MDGA2: variants seen among roughly 807,000 people sequenced by gnomAD.
MDGA2 encodes MAM domain-containing glycosylphosphatidylinositol anchor protein 2.
Under a neutral mutation model 117.8 loss-of-function variants are expected in MDGA2, and 40 were observed. The ratio of observed to expected loss-of-function variants is 0.34; its 90% CI spans 0.26 to 0.44. The LOEUF (loss-of-function observed/expected upper bound fraction) is 0.44, where lower values mean the gene tolerates loss of function less well. MDGA2 is among the 20% of genes least tolerant of loss of function. The pLI, the probability that MDGA2 is intolerant of heterozygous loss-of-function variation, is 1.00. For missense variants in MDGA2, 1,123 were observed against 1,250.6 expected, an observed-to-expected ratio of 0.90 and a Z score of 1.54; for synonymous variants, 452 against 439.0, an observed-to-expected ratio of 1.03 and a Z score of -0.37.
At chr14:47,656,873 A>T (rs1897754415) in intron 1 of MDGA2, among the ~76,000 whole-genome samples, 1 of 152,192 alleles carries the variant, frequency 6.6e-6, no homozygotes, top group South Asian at 2.1e-4. Flanking sequence ...CTTTCTTTCA[A>T]CCTGGGTGGA....
chr14:46,892,113 A>C (rs1244538931), intron 10 of MDGA2, among the ~76,000 whole-genome samples: 1 of 151,910 alleles, frequency 6.6e-6, no homozygotes, highest in Admixed American at 6.6e-5. Context: ...ATAATATAAA[A>C]ATGTGTTCAC....
At chr14:47,337,009 T>A (rs1350758585) in intron 1 of MDGA2, among the ~76,000 whole-genome samples, 1 of 152,002 alleles carries the variant, frequency 6.6e-6, no homozygotes, top group Admixed American at 6.6e-5. Flanking sequence ...TAAATATGTA[T>A]CTGTACCTGC....
chr14:46,938,540 CAA>C lies in MDGA2; in HGVS notation c.2090-18382_2090-18381del, dbSNP rs71112472. On this transcript the variant is annotated intron_variant, in intron 9 of 16. Coordinates refer to ENST00000399232, the MANE Select transcript of MDGA2 (RefSeq NM_001113498.3). The stretch of plus-strand genomic sequence containing the variant: ...GGGCAACAAGAACGAAAATCCATCT[CAA>C]AAAAAAAAAAAAAAAAAAGAGACAT... Among the ~76,000 whole-genome samples the C allele has an allele frequency of 2.6e-3, 69 of 27,000 alleles. 5 individuals are homozygous for C. The South Asian group carries it at 0.047, about 18-fold the overall frequency. 17.7% of individuals were successfully genotyped at this position (27,000 alleles called of 152,430 possible).
At chr14:46,981,177 G>A (rs1262482173) in intron 8 of MDGA2, among the ~76,000 whole-genome samples, 1 of 151,778 alleles carries the variant, frequency 6.6e-6, no homozygotes, top group Non-Finnish European at 1.5e-5. Context: ...GCCAAGGGGG[G>A]GGCGGATCAT....
chr14:47,365,772 T>A (rs1891218759), intron 1 of MDGA2, among the ~76,000 whole-genome samples: 2 of 152,232 alleles, frequency 1.3e-5, no homozygotes, highest in African/African-American at 4.8e-5. Context: ...CATAACATAC[T>A]GCTTCATTGG....
chr14:47,131,590 G>A, intron 5 of MDGA2, 124 bp downstream of exon 5: 1 of 647,370 alleles, frequency 1.5e-6, no homozygotes, highest in Non-Finnish European at 2.4e-6. Context: ...AGGATTTTCT[G>A]GGAATAAAGG....
intron 10 of MDGA2, among the ~76,000 whole-genome samples, chr14:46,914,071 CTG>C (rs944717326): frequency 2.0e-5 from 3 of 151,930 alleles, no homozygotes; most frequent in African/African-American, 7.2e-5. Flanking sequence ...AAAAAGGAAA[CTG>C]TATAAAATTG....
At chr14:47,419,944 T>A (rs1010495173) in intron 1 of MDGA2, among the ~76,000 whole-genome samples, 1 of 151,944 alleles carries the variant, frequency 6.6e-6, no homozygotes, top group Non-Finnish European at 1.5e-5. Context: ...ATCCAAAAAT[T>A]AAAAGGTAAC....
intron 3 of MDGA2, among the ~76,000 whole-genome samples, chr14:47,159,262 G>A (rs61995373): frequency 0.18 from 27,800 of 152,066 alleles, 2,756 homozygotes; most frequent in Non-Finnish European, 0.19. Context: ...AGTTGGTAGT[G>A]GGAGGGGTTG....
At chr14:47,444,198 A>G (rs1156832551) in intron 1 of MDGA2, 1 of 215,578 alleles carries the variant, frequency 4.6e-6, no homozygotes, top group African/African-American at 2.3e-5. Context: ...CAATACAACT[A>G]AACTGACTGG....
intron 4 of MDGA2, among the ~76,000 whole-genome samples, chr14:47,141,558 T>A (rs1882719340): frequency 6.6e-6 from 1 of 152,176 alleles, no homozygotes; most frequent in Non-Finnish European, 1.5e-5. Context: ...GATGGGTCTG[T>A]CCCAGAGCCA....
At chr14:47,101,122 T>C (rs202203840) in intron 5 of MDGA2, among the ~76,000 whole-genome samples, 2,866 of 94,816 alleles carry the variant, frequency 0.03, 45 homozygotes, top group Non-Finnish European at 0.042. Flanking sequence ...GATAGATAGA[T>C]AGACAGATAG....
chr14:47,006,610 C>A (rs991564097), intron 8 of MDGA2, among the ~76,000 whole-genome samples: 3 of 151,160 alleles, frequency 2.0e-5, no homozygotes, highest in Non-Finnish European at 4.4e-5. Flanking sequence ...AGGAAAATGC[C>A]TTTAATCCTC....
intron 1 of MDGA2, among the ~76,000 whole-genome samples, chr14:47,477,784 G>A (rs1414762102): frequency 6.6e-6 from 1 of 152,156 alleles, no homozygotes; most frequent in Non-Finnish European, 1.5e-5. Context: ...ATATTGCCTA[G>A]CTTTAATCGA....
chr14:47,493,491 ATTTTTAGTAGAGATGAAGT>A, intron 1 of MDGA2, among the ~76,000 whole-genome samples: 1 of 151,578 alleles, frequency 6.6e-6, no homozygotes, highest in Admixed American at 6.6e-5. Flanking sequence ...TGAGTTTTGT[ATTTTTAGTAGAGATGAAGT>A]TTCACCGTGT....
chr14:46,950,994 G>A (rs1448121408), intron 9 of MDGA2, among the ~76,000 whole-genome samples: 1 of 151,570 alleles, frequency 6.6e-6, no homozygotes, highest in Non-Finnish European at 1.5e-5. Flanking sequence ...TTAACATCTT[G>A]TTTTAGGTGA....
chr14:46,953,498 T>C (rs1765992380), intron 9 of MDGA2, among the ~76,000 whole-genome samples: 1 of 151,998 alleles, frequency 6.6e-6, no homozygotes, highest in Admixed American at 6.6e-5. Context: ...TTGATTACCA[T>C]TTTATTTTCC....
At position 46,874,191 on chromosome 14, in the gene MDGA2, T is replaced by C. The variant is rs1882131610; in HGVS notation, c.2447A>G (p.His816Arg). ...APVNPHLREF[H>R]CGFEDGNICL... ...AATATTACCATCTTCAAATCCACAATGAAATTCTCCTGTTGGTAAATTTTA... is the reference window on the plus strand; with the variant it reads ...AATATTACCATCTTCAAATCCACAACGAAATTCTCCTGTTGGTAAATTTTA... Residue 816 changes from histidine (H) to arginine (R), a missense_variant, in exon 13 of 17, where the codon CAT (histidine) becomes CGT (arginine). This residue lies in a region of MDGA2 where 890 missense variants were observed against 1,050.3 expected (regional missense o/e 0.85). Transcript: ENST00000399232. The C allele has an allele frequency of 7.0e-7, 1 of 1,420,956 alleles. No individual in the cohort carries two copies. Among genetic ancestry groups the C allele is most frequent in the Non-Finnish European group, 9.3e-7 (1 of 1,078,996 alleles). The allele number at this position is 1,420,956 out of a possible 1,614,324, so 88.0% of individuals were successfully genotyped here. A position where few individuals can be genotyped will look rare whatever the true frequency, so the allele number is the denominator to read the frequency against.
At chr14:47,231,664 T>C (rs933262548) in intron 2 of MDGA2, among the ~76,000 whole-genome samples, 2 of 151,236 alleles carry the variant, frequency 1.3e-5, no homozygotes, top group Non-Finnish European at 2.9e-5. Flanking sequence ...AAAGTTATCC[T>C]ATAATAACAC....
Sources: gnomAD v4.1 joint callset for allele counts (sites outside exome capture counted in the v4.1 genomes callset) on GRCh38, gnomAD v4.1.1 for gene constraint, gnomAD v4.1.1 regional missense constraint, MANE v1.5 for transcripts, NCBI Gene and HGNC (gene_info 2026-07-23, HGNC 2026-07-21) for gene names.